The following NTRK2 variants were observed in gnomAD, a reference collection of about 807,000 sequenced individuals.
The protein encoded by NTRK2 is BDNF/NT-3 growth factors receptor.
A neutral mutation model predicts 94.5 loss-of-function variants in NTRK2; 13 were observed. The ratio of observed to expected loss-of-function variants is 0.14; its 90% CI spans 0.09 to 0.22. The LOEUF (loss-of-function observed/expected upper bound fraction) is 0.22, where lower values mean the gene tolerates loss of function less well. Ranked by LOEUF, NTRK2 falls within the 10% of genes least tolerant of loss-of-function variation. NTRK2 has a pLI of 1.00. For missense variants in NTRK2, 639 were observed against 1,071.2 expected, an observed-to-expected ratio of 0.60 and a Z score of 5.63; for synonymous variants, 372 against 407.4, an observed-to-expected ratio of 0.91 and a Z score of 1.05.
rs562655096 is a variant in NTRK2 at position 84,969,486 on chromosome 9, A to C, written c.2172+13969A>C. Among the ~76,000 whole-genome samples the C allele has an allele frequency of 2.0e-5, 3 of 152,374 alleles. No homozygotes were observed. In the East Asian group the frequency reaches 5.8e-4, roughly 29 times the overall value. On this transcript the variant is annotated intron_variant, in intron 17 of 18. Transcript: ENST00000277120. Reference sequence around the variant, plus strand: ...CAAATAATGTTCTGCATGCAAAAAAATAAAATATACAGCATTACAAAAGAA... The same window carrying C: ...CAAATAATGTTCTGCATGCAAAAAACTAAAATATACAGCATTACAAAAGAA...
intron 12 of NTRK2, among the ~76,000 whole-genome samples, chr9:84,825,274 C>T (rs2073113109): frequency 6.6e-6 from 1 of 152,148 alleles, no homozygotes; most frequent in African/African-American, 2.4e-5. Context: ...TCTCACCATG[C>T]TTCCACCCCC....
rs898896859 is a variant in NTRK2, at chr9:85,022,334, C to G, written c.*897C>G. ...GAGCAAAGATGGCTTCCGTGAGACACAAGATGGCGCATAGTGTGCTCGGAC... is the reference window on the plus strand; with the variant it reads ...GAGCAAAGATGGCTTCCGTGAGACAGAAGATGGCGCATAGTGTGCTCGGAC... On this transcript the variant is annotated 3_prime_UTR_variant, in exon 19 of 19. Coordinates refer to ENST00000277120, the MANE Select transcript of NTRK2 (RefSeq NM_006180.6). The G allele has an allele frequency of 4.3e-6, 1 of 233,058 alleles. No homozygotes were observed. The highest frequency in any genetic ancestry group is 2.2e-5 in the African/African-American group (1 of 45,332). 14.4% of individuals were successfully genotyped at this position (233,058 alleles called of 1,614,324 possible).
intron 6 of NTRK2, among the ~76,000 whole-genome samples, chr9:84,722,939 C>T (rs979817153): frequency 3.9e-5 from 6 of 152,232 alleles, no homozygotes; most frequent in Non-Finnish European, 8.8e-5. Context: ...AGCAATTTTA[C>T]CTATAATATT....
rs558973674 is a variant in NTRK2 at position 85,024,342 on chromosome 9, A to C, written c.*2905A>C. The C allele has an allele frequency of 4.3e-6, 1 of 233,028 alleles. No homozygotes were observed. Among genetic ancestry groups the C allele is most frequent in the Non-Finnish European group, 8.5e-6 (1 of 117,974 alleles). 14.4% of individuals were successfully genotyped at this position (233,028 alleles called of 1,614,324 possible). On this transcript the variant is annotated 3_prime_UTR_variant, in exon 19 of 19. Transcript: ENST00000277120. ...GATCACCAAATACGGCCTTCCATCA[A>C]ATTTGTGAAAACTACAACAGTATAA...
intron 12 of NTRK2, among the ~76,000 whole-genome samples, chr9:84,773,078 T>A (rs1402069941): frequency 6.6e-6 from 1 of 152,226 alleles, no homozygotes; most frequent in Non-Finnish European, 1.5e-5. Context: ...CCAAGCCTTT[T>A]TTTTTACTTT....
chr9:84,807,898 G>A (rs1166576939), intron 12 of NTRK2, among the ~76,000 whole-genome samples: 1 of 152,190 alleles, frequency 6.6e-6, no homozygotes, highest in East Asian at 1.9e-4. Flanking sequence ...TCAAGGGTAT[G>A]AAAGAGTAGG....
At chr9:84,741,646 A>G (rs946283867) in intron 9 of NTRK2, among the ~76,000 whole-genome samples, 3 of 152,224 alleles carry the variant, frequency 2.0e-5, no homozygotes, top group Non-Finnish European at 2.9e-5. Context: ...TTTCAAAGCA[A>G]TTTGTGATCT....
chr9:84,710,605 A>G, intron 5 of NTRK2, 32 bp from the exon 6 acceptor site: 1 of 1,613,536 alleles, frequency 6.2e-7, no homozygotes, highest in Non-Finnish European at 8.5e-7. Flanking sequence ...GGAAAAAGGA[A>G]CTTGATCTGT....
At chr9:84,837,822 A>C (rs2073962216) in intron 12 of NTRK2, among the ~76,000 whole-genome samples, 1 of 152,208 alleles carries the variant, frequency 6.6e-6, no homozygotes, top group Non-Finnish European at 1.5e-5. Context: ...TTATATGCTA[A>C]AGATGCCATG....
intron 14 of NTRK2, among the ~76,000 whole-genome samples, chr9:84,891,071 C>A (rs1219135008): frequency 6.6e-6 from 1 of 152,114 alleles, no homozygotes; most frequent in Non-Finnish European, 1.5e-5. Flanking sequence ...TTTACTTCAC[C>A]GTGTGCTGTC....
intron 17 of NTRK2, among the ~76,000 whole-genome samples, chr9:84,956,869 C>G (rs759601985): frequency 2.0e-5 from 3 of 149,574 alleles, no homozygotes; most frequent in Non-Finnish European, 4.4e-5. Context: ...TTTTCTTGGT[C>G]ACCTTGATAA....
chr9:84,830,074 C>A (rs2073437484), intron 12 of NTRK2, among the ~76,000 whole-genome samples: 1 of 152,200 alleles, frequency 6.6e-6, no homozygotes, highest in African/African-American at 2.4e-5. Flanking sequence ...TATCACCTAT[C>A]ATCTCGCTGG....
chr9:84,804,725 G>C (rs1473428875), intron 12 of NTRK2, among the ~76,000 whole-genome samples: 1 of 152,192 alleles, frequency 6.6e-6, no homozygotes, highest in African/African-American at 2.4e-5. Context: ...TTGCTTATCT[G>C]TACTGACTAT....
chr9:84,711,210 G>A (rs1015384791), intron 6 of NTRK2, among the ~76,000 whole-genome samples: 10 of 152,280 alleles, frequency 6.6e-5, no homozygotes, highest in Admixed American at 5.9e-4. Context: ...GGCAGCACAA[G>A]CAAATCCAAT....
intron 17 of NTRK2, among the ~76,000 whole-genome samples, chr9:84,997,968 G>T (rs1169068278): frequency 2.0e-5 from 3 of 152,178 alleles, no homozygotes; most frequent in African/African-American, 7.2e-5. Context: ...CCGGCTCTCT[G>T]TGGGGTCCCA....
chr9:84,727,266 T>A (rs1160383701), intron 8 of NTRK2, among the ~76,000 whole-genome samples: 1 of 152,246 alleles, frequency 6.6e-6, no homozygotes, highest in Non-Finnish European at 1.5e-5. Flanking sequence ...ATTTTATTAT[T>A]TTGAGTTTTT....
chr9:84,842,656 G>A (rs2074251564), intron 12 of NTRK2, among the ~76,000 whole-genome samples: 1 of 152,136 alleles, frequency 6.6e-6, no homozygotes, highest in Non-Finnish European at 1.5e-5. Context: ...TTTCAGTGAT[G>A]GTTGGGGCTT....
At chr9:84,738,573 A>G (rs1477969546) in intron 9 of NTRK2, among the ~76,000 whole-genome samples, 3 of 152,198 alleles carry the variant, frequency 2.0e-5, no homozygotes, top group African/African-American at 7.2e-5. Flanking sequence ...TGTAAATATC[A>G]TGGGAGGTTT....
intron 14 of NTRK2, among the ~76,000 whole-genome samples, chr9:84,880,208 T>C (rs1210430138): frequency 6.6e-6 from 1 of 152,208 alleles, no homozygotes; most frequent in African/African-American, 2.4e-5. Flanking sequence ...CTAGGTGAAC[T>C]TGATATCCAA....
Sources: allele counts gnomAD v4.1 joint callset (sites outside exome capture counted in the v4.1 genomes callset), GRCh38; gene constraint gnomAD v4.1.1; transcripts MANE v1.5; gene names NCBI Gene and HGNC (gene_info 2026-07-23, HGNC 2026-07-21).